Variants in GRIK4 observed in about 807,000 individuals in gnomAD.
The protein encoded by GRIK4 is glutamate receptor ionotropic, kainate 4.
In GRIK4, 40 loss-of-function variants were observed where a neutral mutation model predicts 104.9. That is an observed-to-expected ratio of 0.38 (90% CI 0.30 to 0.50). GRIK4 has a LOEUF of 0.50. Ranked by LOEUF, GRIK4 falls within the 20% of genes least tolerant of loss-of-function variation. The pLI is 0.93. For missense variants in GRIK4, 1,047 were observed against 1,308.1 expected (o/e 0.80, Z 3.08); for synonymous variants, 485 against 524.9 (o/e 0.92, Z 1.04).
chr11:120,610,609 G>A (rs540364980), intron 1 of GRIK4, among the ~76,000 whole-genome samples: 2 of 152,298 alleles, frequency 1.3e-5, no homozygotes, highest in South Asian at 4.1e-4. Flanking sequence ...AGACCAGATG[G>A]TAGGGGACAC....
chr11:120,611,156 T>C (rs1023007138), intron 1 of GRIK4, among the ~76,000 whole-genome samples: 1 of 152,124 alleles, frequency 6.6e-6, no homozygotes, highest in Non-Finnish European at 1.5e-5. Flanking sequence ...GGCCCCTCGA[T>C]GACTCCCTTG....
chr11:120,887,961 G>A (rs1336130303), intron 11 of GRIK4, among the ~76,000 whole-genome samples: 2 of 152,060 alleles, frequency 1.3e-5, no homozygotes, highest in Non-Finnish European at 2.9e-5. Flanking sequence ...AGCCTGAGTG[G>A]GACCACCCAG....
intron 3 of GRIK4, among the ~76,000 whole-genome samples, chr11:120,742,523 A>ATTTTT (rs142502433): frequency 1.7e-5 from 2 of 115,706 alleles, no homozygotes; most frequent in African/African-American, 5.7e-5. Flanking sequence ...TATTATTATT[A>ATTTTT]TTATTTTTTT....
At chr11:120,713,548 C>T (rs559156716) in intron 3 of GRIK4, among the ~76,000 whole-genome samples, 24 of 152,230 alleles carry the variant, frequency 1.6e-4, no homozygotes, top group Admixed American at 1.1e-3. Context: ...CTTTACCAGG[C>T]GAGGTTTAAT....
At chr11:120,917,867 T>A (rs1355422199) in intron 13 of GRIK4, among the ~76,000 whole-genome samples, 1 of 152,190 alleles carries the variant, frequency 6.6e-6, no homozygotes, top group African/African-American at 2.4e-5. Context: ...CGCCAGCTGT[T>A]AAGGGGAGTG....
At chr11:120,801,589 T>C (rs1952622047) in intron 3 of GRIK4, among the ~76,000 whole-genome samples, 1 of 152,254 alleles carries the variant, frequency 6.6e-6, no homozygotes, top group Non-Finnish European at 1.5e-5. Context: ...TGTTATTTTT[T>C]ATTGTTGAGT....
Position 120,652,125 on chromosome 11 carries a change from G to A in GRIK4, c.-158-1560G>A, listed in dbSNP as rs570597808. ...GATGGCAGTTAGGATGGCAGTATCTGCTTCGCAGGGTTCTCCTGAGGAGTA... is the reference window on the plus strand; with the variant it reads ...GATGGCAGTTAGGATGGCAGTATCTACTTCGCAGGGTTCTCCTGAGGAGTA... On this transcript the variant is annotated intron_variant, in intron 1 of 20. Transcript: ENST00000527524. Among the ~76,000 whole-genome samples, 47 of 152,340 alleles carry A rather than the reference G, an allele frequency of 3.1e-4. 1 individual carries two copies. The South Asian group carries it at 8.1e-3, about 26-fold the overall frequency.
chr11:120,714,483 G>A (rs1217657936), intron 3 of GRIK4, among the ~76,000 whole-genome samples: 1 of 152,218 alleles, frequency 6.6e-6, no homozygotes, highest in Admixed American at 6.5e-5. Flanking sequence ...TACATGGGGA[G>A]AAGTGGTTTT....
At chr11:120,593,128 A>G (rs1399040771) in intron 1 of GRIK4, among the ~76,000 whole-genome samples, 1 of 148,328 alleles carries the variant, frequency 6.7e-6, no homozygotes, top group African/African-American at 2.5e-5. Flanking sequence ...GGTTGTGGTG[A>G]GCCAAGATCG....
chr11:120,738,700 A>G (rs538437599), intron 3 of GRIK4, among the ~76,000 whole-genome samples: 5 of 152,324 alleles, frequency 3.3e-5, no homozygotes, highest in Non-Finnish European at 5.9e-5. Flanking sequence ...ACAGCAGCCA[A>G]CTGCTGAGAC....
At position 120,986,492 on chromosome 11, in the gene GRIK4, C is replaced by A; in HGVS notation, c.*232C>A. On this transcript the variant is annotated 3_prime_UTR_variant, in exon 21 of 21. Coordinates refer to ENST00000527524, the MANE Select transcript of GRIK4 (RefSeq NM_014619.5). ...TGCACCCAAAGGGCAAAGGACGGCC[C>A]TCCCTCCTGGGCACAAGGACCCATC... is the stretch of plus-strand genomic sequence containing the variant. 1 of 545,224 alleles carries A rather than the reference C, an allele frequency of 1.8e-6. No individual in the cohort carries two copies. Among genetic ancestry groups the A allele is most frequent in the Non-Finnish European group, 3.1e-6 (1 of 323,970 alleles). 33.8% of individuals were successfully genotyped at this position (545,224 alleles called of 1,614,324 possible).
At chr11:120,820,861 T>C (rs915031729) in intron 6 of GRIK4, among the ~76,000 whole-genome samples, 2 of 152,216 alleles carry the variant, frequency 1.3e-5, no homozygotes, top group Non-Finnish European at 2.9e-5. Flanking sequence ...CCACCTACTT[T>C]CCCAGACCTC....
chr11:120,917,269 A>AAAAAAAAGAAAG (rs1463389337), intron 13 of GRIK4, among the ~76,000 whole-genome samples: 4 of 138,366 alleles, frequency 2.9e-5, no homozygotes, highest in South Asian at 2.2e-4. Context: ...AAAAAAAAAA[A>AAAAAAAAGAAAG]AAAGAAAGAA....
chr11:120,512,356 C>T (rs921699124), intron 1 of GRIK4, among the ~76,000 whole-genome samples: 1 of 151,834 alleles, frequency 6.6e-6, no homozygotes, highest in Non-Finnish European at 1.5e-5. Context: ...CGCCTCTGTT[C>T]CCCGGCTGCA....
At chr11:120,897,525 T>G (rs778738868) in intron 11 of GRIK4, among the ~76,000 whole-genome samples, 2 of 133,334 alleles carry the variant, frequency 1.5e-5, no homozygotes, top group African/African-American at 2.8e-5. Flanking sequence ...TCCCAGCTAC[T>G]CGGGAGGCAG....
chr11:120,626,894 T>C (rs1427610799), intron 1 of GRIK4, among the ~76,000 whole-genome samples: 1 of 152,194 alleles, frequency 6.6e-6, no homozygotes, highest in Non-Finnish European at 1.5e-5. Context: ...TAAAGAAACA[T>C]GGCTTGATGT....
chr11:120,577,868 A>G (rs1283529768), intron 1 of GRIK4, among the ~76,000 whole-genome samples: 1 of 152,158 alleles, frequency 6.6e-6, no homozygotes. Context: ...CTACGCAGCC[A>G]CAAGCCCTTG....
intron 13 of GRIK4, among the ~76,000 whole-genome samples, chr11:120,927,917 A>G (rs1359822215): frequency 6.6e-6 from 1 of 152,124 alleles, no homozygotes; most frequent in Non-Finnish European, 1.5e-5. Context: ...GCATAAAAAA[A>G]TATTAAGAAG....
chr11:120,719,017 A>T (rs1317507267), intron 3 of GRIK4, among the ~76,000 whole-genome samples: 1 of 152,212 alleles, frequency 6.6e-6, no homozygotes, highest in Non-Finnish European at 1.5e-5. Context: ...AAGTAAAACA[A>T]CAGGTTTTGC....
Sources: gnomAD v4.1 joint callset for allele counts (sites outside exome capture counted in the v4.1 genomes callset) on GRCh38, gnomAD v4.1.1 for gene constraint, MANE v1.5 for transcripts, NCBI Gene and HGNC (gene_info 2026-07-23, HGNC 2026-07-21) for gene names.